The following DPP6 variants were observed in gnomAD, a reference collection of about 807,000 sequenced individuals.
DPP6 encodes the protein A-type potassium channel modulatory protein DPP6.
A neutral mutation model predicts 122.6 loss-of-function variants in DPP6; 69 were observed. The observed-to-expected ratio is 0.56, with a 90% CI of 0.46 to 0.69. The LOEUF (loss-of-function observed/expected upper bound fraction) is 0.69. Ranked by LOEUF, DPP6 falls within the 30% of genes least tolerant of loss-of-function variation. The pLI is 0.00. For synonymous variants in DPP6, 418 were observed against 433.1 expected, an observed-to-expected ratio of 0.97 and a Z score of 0.43; for missense variants, 928 against 1,116.9, an observed-to-expected ratio of 0.83 and a Z score of 2.41.
intron 17 of DPP6, among the ~76,000 whole-genome samples, chr7:154,854,166 T>C (rs1418083363): frequency 6.6e-6 from 1 of 151,986 alleles, no homozygotes; most frequent in African/African-American, 2.4e-5. Context: ...GAACCTGCCA[T>C]GTGGCACCAA....
At chr7:153,782,791 T>C in the DPP6 span, among the ~76,000 whole-genome samples, 2 of 152,216 alleles carry the variant, frequency 1.3e-5, no homozygotes, top group African/African-American at 4.8e-5. Flanking sequence ...TCTTGCCCTG[T>C]GCATCTCTCC....
At chr7:153,775,830 G>A in the DPP6 span, among the ~76,000 whole-genome samples, 1 of 151,980 alleles carries the variant, frequency 6.6e-6, no homozygotes, top group Non-Finnish European at 1.5e-5. Context: ...ATTCAAAATA[G>A]CATAAAAATG....
intron 1 of DPP6, among the ~76,000 whole-genome samples, chr7:154,363,057 C>T (rs1357725783): frequency 6.6e-6 from 1 of 152,164 alleles, no homozygotes; most frequent in Non-Finnish European, 1.5e-5. Context: ...TTCCTCCTCC[C>T]CTCCACCCAT....
intron 1 of DPP6, among the ~76,000 whole-genome samples, chr7:154,130,747 A>G (rs1174852265): frequency 6.6e-6 from 1 of 152,058 alleles, no homozygotes; most frequent in Non-Finnish European, 1.5e-5. Context: ...TGCAGTCAAC[A>G]GAATGAGCTC....
At chr7:154,735,186 A>G (rs763548814) in intron 8 of DPP6, among the ~76,000 whole-genome samples, 2 of 152,208 alleles carry the variant, frequency 1.3e-5, no homozygotes, top group South Asian at 4.1e-4. Flanking sequence ...ACCATGTTGA[A>G]CACCTCTTCA....
chr7:154,334,886 ACT>A (rs1042574914), intron 1 of DPP6, among the ~76,000 whole-genome samples: 6 of 151,788 alleles, frequency 4.0e-5, no homozygotes, highest in African/African-American at 7.3e-5. Flanking sequence ...ACAGAGGAAG[ACT>A]CTGTCTCAAA....
chr7:154,031,499 C>CA (rs1325443456), intron 1 of DPP6, among the ~76,000 whole-genome samples: 2 of 151,920 alleles, frequency 1.3e-5, no homozygotes, highest in African/African-American at 2.4e-5. Context: ...TAAAAAAAAT[C>CA]ACAGATATTC....
Position 154,872,703 on chromosome 7 carries a change from G to C in DPP6, c.1883+10G>C. On this transcript the variant is annotated intron_variant, in intron 19 of 25. Transcript: ENST00000377770. ...CTCTGCTCCTGGTGGTGTAAGTATCGTCACATCTGTCTTTCCCTGGTGCTC... is the reference window on the plus strand; with the variant it reads ...CTCTGCTCCTGGTGGTGTAAGTATCCTCACATCTGTCTTTCCCTGGTGCTC... The C allele has an allele frequency of 6.3e-7, 1 of 1,587,836 alleles. No homozygotes were observed. Among genetic ancestry groups the C allele is most frequent in the Non-Finnish European group, 8.6e-7 (1 of 1,166,994 alleles).
At chr7:154,188,736 C>T (rs1195903209) in intron 1 of DPP6, among the ~76,000 whole-genome samples, 1 of 152,158 alleles carries the variant, frequency 6.6e-6, no homozygotes, top group Admixed American at 6.5e-5. Context: ...TCTGGTATTG[C>T]GAAGTGTTTA....
chr7:154,395,715 T>TC lies in DPP6; in HGVS notation c.244-50498dup, dbSNP rs568135213. Among the ~76,000 whole-genome samples the TC allele has an allele frequency of 5.6e-4, 85 of 152,270 alleles. 1 individual carries two copies. Among genetic ancestry groups the TC allele is most frequent in the African/African-American group, 1.9e-3 (80 of 41,572 alleles). ...GTAAACAGATCATTTTACTTTTTTTTCTGATTTAAATTACTTTTCTTTCTT... is the reference window on the plus strand; with the variant it reads ...GTAAACAGATCATTTTACTTTTTTTTCCTGATTTAAATTACTTTTCTTTCTT... On this transcript the variant is annotated intron_variant, in intron 1 of 25. Transcript: ENST00000377770.
At chr7:154,153,438 C>T (rs6968771) in intron 1 of DPP6, among the ~76,000 whole-genome samples, 2,513 of 152,242 alleles carry the variant, frequency 0.017, 23 homozygotes, top group African/African-American at 0.058. Context: ...CTGCCCACCT[C>T]GGCCTCCCAA....
the DPP6 span, among the ~76,000 whole-genome samples, chr7:153,823,713 C>T: frequency 2.5e-4 from 38 of 151,828 alleles, no homozygotes; most frequent in South Asian, 4.2e-4. Flanking sequence ...TCTTGATTGT[C>T]GTAGCCGTTA....
intron 4 of DPP6, among the ~76,000 whole-genome samples, chr7:154,544,197 T>C: frequency 6.7e-6 from 1 of 149,992 alleles, no homozygotes; most frequent in East Asian, 1.9e-4. Flanking sequence ...CCTTATTATT[T>C]GATAGCATAT....
At chr7:153,906,739 A>G (rs1195321416) in intron 1 of DPP6, among the ~76,000 whole-genome samples, 1 of 152,238 alleles carries the variant, frequency 6.6e-6, no homozygotes, top group East Asian at 1.9e-4. Context: ...GGCGTGAGCC[A>G]TTGCTCCCAA....
intron 1 of DPP6, among the ~76,000 whole-genome samples, chr7:153,909,415 G>A (rs1471940823): frequency 1.0e-5 from 1 of 95,456 alleles, no homozygotes; most frequent in African/African-American, 2.9e-5. Flanking sequence ...GGACAAACAT[G>A]CTTTTACATT....
intron 7 of DPP6, among the ~76,000 whole-genome samples, chr7:154,702,932 C>T (rs189219563): frequency 1.3e-5 from 2 of 152,318 alleles, no homozygotes; most frequent in South Asian, 2.1e-4. Context: ...CTTCAAAGGA[C>T]AGGCTGACTC....
chr7:154,593,098 A>T (rs538605513), intron 5 of DPP6, among the ~76,000 whole-genome samples: 142 of 152,294 alleles, frequency 9.3e-4, no homozygotes, highest in Middle Eastern at 3.4e-3. Flanking sequence ...TTAATTGTGT[A>T]ATATCATCAC....
chr7:153,939,757 C>T (rs1206972946), intron 1 of DPP6, among the ~76,000 whole-genome samples: 1 of 152,198 alleles, frequency 6.6e-6, no homozygotes. Context: ...ATTGCACAGA[C>T]TTTCATCATA....
At chr7:154,150,944 C>G (rs919506994) in intron 1 of DPP6, among the ~76,000 whole-genome samples, 1 of 152,092 alleles carries the variant, frequency 6.6e-6, no homozygotes, top group Non-Finnish European at 1.5e-5. Flanking sequence ...TCGCCTGTCT[C>G]CCTCCTCCAC....
Sources: gnomAD v4.1 joint callset for allele counts (sites outside exome capture counted in the v4.1 genomes callset) on GRCh38, gnomAD v4.1.1 for gene constraint, MANE v1.5 for transcripts, NCBI Gene and HGNC (gene_info 2026-07-23, HGNC 2026-07-21) for gene names.